The following OCIAD1 variants were observed in gnomAD, a reference collection of about 807,000 sequenced individuals.
OCIAD1 encodes the protein OCIA domain containing 1.
Under a neutral mutation model 38.9 loss-of-function variants are expected in OCIAD1, and 29 were observed. The ratio of observed to expected loss-of-function variants is 0.74; its 90% CI spans 0.55 to 1.02. The LOEUF is 1.02. Ranked by LOEUF, OCIAD1 falls within the 50% of genes least tolerant of loss-of-function variation. OCIAD1 has a pLI of 0.00. For missense variants in OCIAD1, 288 were observed against 289.6 expected (o/e 0.99, Z 0.04); for synonymous variants, 110 against 92.0 (o/e 1.20, Z -1.12).
chr4:48,833,147 A>G (rs1408101651), intron 2 of OCIAD1, among the ~76,000 whole-genome samples: 1 of 152,128 alleles, frequency 6.6e-6, no homozygotes, highest in Admixed American at 6.5e-5. Flanking sequence ...GCTACTCGGA[A>G]GGCTGAGGCA....
At chr4:48,839,970 A>G (rs1259058664) in intron 3 of OCIAD1, among the ~76,000 whole-genome samples, 2 of 152,192 alleles carry the variant, frequency 1.3e-5, no homozygotes, top group Admixed American at 6.5e-5. Flanking sequence ...CTTTGAGCAA[A>G]TGACTTGTCT....
intron 1 of OCIAD1, among the ~76,000 whole-genome samples, chr4:48,814,185 G>A (rs1252182024): frequency 6.6e-6 from 1 of 151,600 alleles, no homozygotes; most frequent in East Asian, 1.9e-4. Flanking sequence ...GATGGTTCTC[G>A]GTTTGATTGA....
rs1003609214 is a variant in OCIAD1, at chr4:48,831,089, A to G, written c.-166A>G. 19 of 240,826 alleles carry G rather than the reference A, an allele frequency of 7.9e-5. No homozygotes were observed. Among genetic ancestry groups the G allele is most frequent in the Non-Finnish European group, 1.5e-4 (18 of 117,908 alleles). The allele number at this position is 240,826 out of a possible 1,614,324, so 14.9% of individuals were successfully genotyped here. ...GTGCCTCCGGGTCGCGGTCATTTTG[A>G]GCCCCTGTCTGGATGACTTCTTGCG... On this transcript the variant is annotated 5_prime_UTR_variant, in exon 1 of 9. Transcript: ENST00000264312.
At chr4:48,845,531 A>G (rs1367617810) in intron 4 of OCIAD1, among the ~76,000 whole-genome samples, 1 of 152,154 alleles carries the variant, frequency 6.6e-6, no homozygotes, top group Non-Finnish European at 1.5e-5. Context: ...TGTACTATAC[A>G]TTGTTATATA....
chr4:48,832,474 A>C (rs575326064), intron 1 of OCIAD1, 146 bp from the exon 2 acceptor site: 13 of 601,450 alleles, frequency 2.2e-5, no homozygotes, highest in Non-Finnish European at 3.6e-5. Flanking sequence ...TTACATGTGG[A>C]GTACGTAAGA....
chr4:48,810,426 A>G (rs999973846), intron 1 of OCIAD1, among the ~76,000 whole-genome samples: 5 of 145,436 alleles, frequency 3.4e-5, no homozygotes, highest in Admixed American at 7.2e-5. Context: ...CCAAGATCGC[A>G]CCACTGCACT....
At chr4:48,859,952 T>C (rs1454562295) in intron 8 of OCIAD1, among the ~76,000 whole-genome samples, 1 of 152,118 alleles carries the variant, frequency 6.6e-6, no homozygotes, top group East Asian at 1.9e-4. Flanking sequence ...AAAGGCAAAA[T>C]GTGAAACATA....
chr4:48,857,756 G>C (rs1256727484), intron 8 of OCIAD1, among the ~76,000 whole-genome samples: 1 of 152,092 alleles, frequency 6.6e-6, no homozygotes, highest in Non-Finnish European at 1.5e-5. Flanking sequence ...CTTGTGATCC[G>C]CCTGCCTCAG....
chr4:48,849,984 T>C lies in OCIAD1; in HGVS notation c.279T>C (p.Ser93=). ...TGGGATACTTTGCTGGAAAACTTTC[T>C]TATGTGAAAACTTGCCAAGAGAAAT... ...CIMGYFAGKL[S]YVKTCQEKFK... is the part of the protein sequence containing the mutation. Residue 93 remains serine (S), a synonymous_variant, in exon 6 of 9, where the codon TCT becomes TCC. Transcript: ENST00000264312. The C allele has an allele frequency of 2.5e-6, 4 of 1,611,576 alleles. No individual in the cohort carries two copies. The highest frequency in any genetic ancestry group is 3.4e-6 in the Non-Finnish European group (4 of 1,179,326).
At chr4:48,827,851 T>G (rs1777265592), upstream of OCIAD1, among the ~76,000 whole-genome samples, 3 of 152,302 alleles carry the variant, frequency 2.0e-5, no homozygotes, top group Admixed American at 2.0e-4. Context: ...GCTCCAGAGT[T>G]GGGTGGGGAC....
intron 1 of OCIAD1, among the ~76,000 whole-genome samples, chr4:48,806,938 C>G (rs1427547842): frequency 6.6e-6 from 1 of 151,758 alleles, no homozygotes; most frequent in African/African-American, 2.4e-5. Flanking sequence ...GGATCTCACT[C>G]TGTTGCCCAG....
At chr4:48,819,134 A>T (rs1777167257) in intron 1 of OCIAD1, among the ~76,000 whole-genome samples, 2 of 152,166 alleles carry the variant, frequency 1.3e-5, no homozygotes, top group Admixed American at 1.3e-4. Flanking sequence ...AGATTCTCCA[A>T]CATGAAAACG....
chr4:48,837,407 C>T (rs774696941), intron 3 of OCIAD1, among the ~76,000 whole-genome samples: 1 of 151,784 alleles, frequency 6.6e-6, no homozygotes, highest in South Asian at 2.1e-4. Flanking sequence ...ATTCTCCTGC[C>T]TCAGCTTCCC....
chr4:48,815,261 T>G (rs1429859913), intron 1 of OCIAD1, among the ~76,000 whole-genome samples: 1 of 152,186 alleles, frequency 6.6e-6, no homozygotes, highest in Non-Finnish European at 1.5e-5. Context: ...TGCAGTGATC[T>G]GAGGTCGCGC....
rs1052535967 is a variant in OCIAD1 at position 48,831,091 on chromosome 4, C to T, written c.-164C>T. ...GCCTCCGGGTCGCGGTCATTTTGAG[C>T]CCCTGTCTGGATGACTTCTTGCGGC... On this transcript the variant is annotated 5_prime_UTR_variant, in exon 1 of 9. Transcript: ENST00000264312. 1.6e-5 allele frequency: 4 copies of T among 249,034 alleles called. No homozygotes were observed. The highest frequency in any genetic ancestry group is 2.4e-5 in the Non-Finnish European group (3 of 122,486). 15.4% of individuals were successfully genotyped at this position (249,034 alleles called of 1,614,324 possible). A position where few individuals can be genotyped will look rare whatever the true frequency, so the allele number is the denominator to read the frequency against.
chr4:48,806,118 T>G (rs1460436757), intron 1 of OCIAD1, among the ~76,000 whole-genome samples: 2 of 152,090 alleles, frequency 1.3e-5, no homozygotes, highest in African/African-American at 2.4e-5. Context: ...AATACAAAAA[T>G]TAGCCATGCA....
At chr4:48,842,613 A>T in intron 3 of OCIAD1, 23 bp from the exon 4 acceptor site, 1 of 1,535,668 alleles carries the variant, frequency 6.5e-7, no homozygotes, top group Non-Finnish European at 8.9e-7. Context: ...GTTGATGTTA[A>T]CAAGGTCTTT....
intron 5 of OCIAD1, 29 bp downstream of exon 5, chr4:48,848,475 TAGC>T: frequency 8.6e-7 from 1 of 1,168,074 alleles, no homozygotes; most frequent in African/African-American, 1.6e-5. Context: ...GTAGTTTTCA[TAGC>T]TTTTTAAAAC....
intron 8 of OCIAD1, among the ~76,000 whole-genome samples, chr4:48,857,663 GCCCCCACGC>G (rs1043372807): frequency 3.1e-4 from 47 of 152,014 alleles, no homozygotes; most frequent in African/African-American, 9.6e-4. Context: ...AGGACTACAG[GCCCCCACGC>G]CCAGCTAATT....
Sources: gnomAD v4.1 joint callset for allele counts (sites outside exome capture counted in the v4.1 genomes callset) on GRCh38, gnomAD v4.1.1 for gene constraint, MANE v1.5 for transcripts, NCBI Gene and HGNC (gene_info 2026-07-23, HGNC 2026-07-21) for gene names.